The following COL5A1 variants were observed in gnomAD, a reference collection of about 807,000 sequenced individuals.
COL5A1 encodes the protein collagen alpha-1(V) chain.
In COL5A1, 16 loss-of-function variants were observed where a neutral mutation model predicts 263.7. That is an observed-to-expected ratio of 0.06 (90% CI 0.04 to 0.09). COL5A1 has a LOEUF of 0.09. Among genes scored for constraint, COL5A1 ranks in the 10% least tolerant of loss-of-function variants. The pLI, the probability that COL5A1 is intolerant of heterozygous loss-of-function variation, is 1.00. For missense variants in COL5A1, 2,036 were observed against 2,540.5 expected (o/e 0.80, Z 4.27); for synonymous variants, 1,012 against 1,004.5 (o/e 1.01, Z -0.14).
Position 134,754,442 on chromosome 9 carries a change from C to G in COL5A1, c.1827+116C>G, listed in dbSNP as rs1255944698. ...TGGGCCACATGAAGCCAGGTGGCTC[C>G]CCTTCTTGTGATGGGTGCGTCCATC... is the stretch of plus-strand genomic sequence containing the variant. On this transcript the variant is annotated intron_variant, in intron 16 of 65. Coordinates refer to ENST00000371817, the MANE Select transcript of COL5A1 (RefSeq NM_000093.5). The surrounding 1 kb of genome is among the most constrained non-coding windows in gnomAD (Gnocchi z 4.3). 9 of 1,222,516 alleles carry G rather than the reference C, an allele frequency of 7.4e-6. No homozygotes were observed. The East Asian group carries it at 2.1e-4, about 29-fold the overall frequency. The allele number at this position is 1,222,516 out of a possible 1,614,324, so 75.7% of individuals were successfully genotyped here.
At chr9:134,707,817 G>A (rs1157966333) in intron 4 of COL5A1, among the ~76,000 whole-genome samples, 3 of 152,234 alleles carry the variant, frequency 2.0e-5, no homozygotes, top group African/African-American at 4.8e-5. Flanking sequence ...TCTGGAGCCC[G>A]CAGCCCATCA....
At chr9:134,722,422 A>C (rs1484501097) in intron 4 of COL5A1, among the ~76,000 whole-genome samples, 1 of 152,196 alleles carries the variant, frequency 6.6e-6, no homozygotes, top group Non-Finnish European at 1.5e-5. Flanking sequence ...CACTGAGACC[A>C]GTGCCAGCAC....
chr9:134,826,819 T>C (rs1839295673), intron 63 of COL5A1, among the ~76,000 whole-genome samples: 1 of 150,212 alleles, frequency 6.7e-6, no homozygotes, highest in Non-Finnish European at 1.5e-5. Flanking sequence ...TGTGTGGGTG[T>C]GTGGCTGGTG....
At position 134,686,001 on chromosome 9, in the gene COL5A1, C is replaced by A. The variant is rs893517828; in HGVS notation, c.110-4911C>A. On this transcript the variant is annotated intron_variant, in intron 1 of 65. Transcript: ENST00000371817. This position sits in a 1 kb window ranked among gnomAD's most constrained non-coding sequence, Gnocchi z 4.6. Reference sequence around the variant, plus strand: ...TTAGCCATCCATCCACCCACCCATCCATCCATTCATCCATCCATCCATTCA... The same window carrying A: ...TTAGCCATCCATCCACCCACCCATCAATCCATTCATCCATCCATCCATTCA... Among the ~76,000 whole-genome samples, 1 of 152,126 alleles carries A rather than the reference C, an allele frequency of 6.6e-6. No homozygotes were observed. The highest frequency in any genetic ancestry group is 6.5e-5 in the Admixed American group (1 of 15,278).
rs114805267 is a variant in COL5A1, at chr9:134,772,178, G to A, written c.2287-612G>A. 4.5e-3 allele frequency among the ~76,000 whole-genome samples: 688 copies of A among 152,280 alleles called. 3 individuals carry two copies. Among genetic ancestry groups the A allele is most frequent in the African/African-American group, 0.016 (645 of 41,552 alleles). ...ACGAGGCAGCTGTTTGAAGACTCAC[G>A]GATGTGCTGGGACCCCTCAGTCAAG... is the stretch of plus-strand genomic sequence containing the variant. On this transcript the variant is annotated intron_variant, in intron 25 of 65. Transcript: ENST00000371817.
At position 134,682,673 on chromosome 9, in the gene COL5A1, C is replaced by T. The variant is rs548142806; in HGVS notation, c.110-8239C>T. 6.6e-6 allele frequency among the ~76,000 whole-genome samples: 1 copy of T among 152,276 alleles called. No homozygotes were observed. The highest frequency in any genetic ancestry group is 2.1e-4 in the South Asian group (1 of 4,822). On this transcript the variant is annotated intron_variant, in intron 1 of 65. Transcript: ENST00000371817. This position sits in a 1 kb window ranked among gnomAD's most constrained non-coding sequence, Gnocchi z 5.1. ...AAAGTAACAGTGGGCACTGCTCCGG[C>T]TCAGGGGGGCACCGGGACGGGGGAG...
Position 134,699,127 on chromosome 9 carries a change from C to A in COL5A1, c.278-782C>A, listed in dbSNP as rs572192102. Among the ~76,000 whole-genome samples, 13 of 152,258 alleles carry A rather than the reference C, an allele frequency of 8.5e-5. No homozygotes were observed. The South Asian group carries it at 2.1e-3, about 24-fold the overall frequency. On this transcript the variant is annotated intron_variant, in intron 2 of 65. Transcript: ENST00000371817. Reference sequence around the variant, plus strand: ...GCATCGCTGCCTTTGCCACCAGGATCGATGGACAGGAGGGGCTGGGGCTCC... The same window carrying A: ...GCATCGCTGCCTTTGCCACCAGGATAGATGGACAGGAGGGGCTGGGGCTCC...
At chr9:134,675,333 C>A (rs967886967) in intron 1 of COL5A1, among the ~76,000 whole-genome samples, 3 of 151,848 alleles carry the variant, frequency 2.0e-5, no homozygotes, top group Non-Finnish European at 4.4e-5. Context: ...GAATTTGCAT[C>A]CTTGCCAAAA....
chr9:134,793,153 G>A lies in COL5A1; in HGVS notation c.2701-1929G>A, dbSNP rs561670175. Among the ~76,000 whole-genome samples the A allele has an allele frequency of 7.2e-5, 11 of 152,106 alleles. No homozygotes were observed. The East Asian group carries it at 2.0e-3, about 27-fold the overall frequency. ...GCCCCTCGGGCCTCGGGCCAAGGAG[G>A]GATCCCAGGAGCCCCTTCCCGGGAA... On this transcript the variant is annotated intron_variant, in intron 32 of 65. Coordinates refer to ENST00000371817, the MANE Select transcript of COL5A1 (RefSeq NM_000093.5).
intron 57 of COL5A1, 88 bp downstream of exon 57, chr9:134,819,141 C>G: frequency 7.2e-7 from 1 of 1,387,736 alleles, no homozygotes; most frequent in Non-Finnish European, 1.0e-6. Context: ...GCTCTTGATC[C>G]GTCACCTAAA....
intron 1 of COL5A1, among the ~76,000 whole-genome samples, chr9:134,671,346 C>A (rs138802270): frequency 1.3e-5 from 2 of 152,172 alleles, no homozygotes; most frequent in Non-Finnish European, 2.9e-5. Flanking sequence ...TCCTTTGTTG[C>A]GTCTCTGGGA....
At chr9:134,781,418 G>A (rs1428892664) in intron 28 of COL5A1, among the ~76,000 whole-genome samples, 2 of 152,280 alleles carry the variant, frequency 1.3e-5, no homozygotes, top group African/African-American at 2.4e-5. Context: ...TTCGGAACAC[G>A]AGGGCCTTAC....
chr9:134,822,186 G>A (rs1402057046), intron 59 of COL5A1, 36 bp downstream of exon 59: 21 of 1,417,286 alleles, frequency 1.5e-5, no homozygotes, highest in Non-Finnish European at 2.1e-5. Context: ...ATTCCTGGGA[G>A]GGCAGGGAGG....
Position 134,696,630 on chromosome 9 carries a change from T to C in COL5A1, c.278-3279T>C, listed in dbSNP as rs975580631. Among the ~76,000 whole-genome samples, 1 of 152,234 alleles carries C rather than the reference T, an allele frequency of 6.6e-6. No homozygotes were observed. Among genetic ancestry groups the C allele is most frequent in the South Asian group, 2.1e-4 (1 of 4,832 alleles). ...TTATTAGGGGATCAGTCACTGTTTA[T>C]TGATCACGTGATCCACTGTAGTGAG... On this transcript the variant is annotated intron_variant, in intron 2 of 65. Coordinates refer to ENST00000371817, the MANE Select transcript of COL5A1 (RefSeq NM_000093.5). This position sits in a 1 kb window ranked among gnomAD's most constrained non-coding sequence, Gnocchi z 4.3.
rs1487625448 is a variant in COL5A1 at position 134,835,001 on chromosome 9, G to C, written c.5167G>C (p.Val1723Leu). The change falls in exon 65 of 66, where the codon GTG (valine) becomes CTG (leucine). Residue 1723 changes from valine to leucine, a missense_variant. Val to Leu is a conservative substitution (Grantham distance 32). Transcript: ENST00000371817. ...LSYVDAEGNP[V>L]GVVQMTFLRL... ...CTATGTGGACGCCGAGGGCAACCCT[G>C]TGGGTGTGGTACAGATGACCTTCCT... The C allele has an allele frequency of 6.8e-6, 11 of 1,613,644 alleles. No homozygotes were observed. Among genetic ancestry groups the C allele is most frequent in the Non-Finnish European group, 9.3e-6 (11 of 1,180,016 alleles).
At position 134,829,982 on chromosome 9, in the gene COL5A1, A is replaced by G. The variant is rs1839532850; in HGVS notation, c.5074A>G (p.Ile1692Val). The G allele has an allele frequency of 1.9e-6, 3 of 1,613,400 alleles. No individual in the cohort carries two copies. The African/African-American group carries it at 4.0e-5, about 22-fold the overall frequency. ...FPDKKSEGAR[I>V]TSWPKENPGS... The stretch of plus-strand genomic sequence containing the variant: ...CTCCCCGCTGCATGTTTAGGCCAGA[A>G]TCACTTCTTGGCCCAAAGAAAACCC... Residue 1692 changes from isoleucine to valine, a missense_variant, in exon 64 of 66, where the codon ATC becomes GTC. Around this residue, in one of 3 missense-constraint regions of COL5A1, gnomAD observed 358 missense variants for 384.6 expected, o/e 0.93. Coordinates refer to ENST00000371817, the MANE Select transcript of COL5A1 (RefSeq NM_000093.5).
At position 134,811,331 on chromosome 9, in the gene COL5A1, C is replaced by G; in HGVS notation, c.3529-8C>G. ...AAGCTACCTATGTCTCTGTCTTGTT[C>G]CCCGCAGGGTCCTCCTGGGCCTACA... On this transcript the variant is annotated splice_region_variant and splice_polypyrimidine_tract_variant and intron_variant, in intron 44 of 65. Transcript: ENST00000371817. 6.2e-7 allele frequency: 1 copy of G among 1,613,924 alleles called. No homozygotes were observed. Among genetic ancestry groups the G allele is most frequent in the South Asian group, 1.1e-5 (1 of 91,066 alleles).
chr9:134,843,450 C>T lies in COL5A1; in HGVS notation c.*1147C>T, dbSNP rs1032084987. On this transcript the variant is annotated 3_prime_UTR_variant, in exon 66 of 66. Coordinates refer to ENST00000371817, the MANE Select transcript of COL5A1 (RefSeq NM_000093.5). The stretch of plus-strand genomic sequence containing the variant: ...GGGACCCTGGCCATGCCTCGTTCTC[C>T]CTGCTTTCTTTATCCTGTTATTGCC... 1 of 152,704 alleles carries T rather than the reference C, an allele frequency of 6.5e-6. No individual in the cohort carries two copies. The highest frequency in any genetic ancestry group is 2.4e-5 in the African/African-American group (1 of 41,418). 9.5% of individuals were successfully genotyped at this position (152,704 alleles called of 1,614,324 possible).
In COL5A1 at chr9:134,696,170, A is replaced by AATTATTATT. The variant is rs555022941; in HGVS notation, c.278-3726_278-3718dup. 3.3e-5 allele frequency among the ~76,000 whole-genome samples: 5 copies of AATTATTATT among 151,228 alleles called. No homozygotes were observed. The highest frequency in any genetic ancestry group is 2.1e-4 in the South Asian group (1 of 4,746). On this transcript the variant is annotated intron_variant, in intron 2 of 65. Coordinates refer to ENST00000371817, the MANE Select transcript of COL5A1 (RefSeq NM_000093.5). This position sits in a 1 kb window ranked among gnomAD's most constrained non-coding sequence, Gnocchi z 4.3. ...CCCCACTGCCCCCTGCATTATTTGC[A>AATTATTATT]ATTATTATTATTATTATTATTGAGA...
Sources: allele counts gnomAD v4.1 joint callset (sites outside exome capture counted in the v4.1 genomes callset), GRCh38; gene constraint gnomAD v4.1.1; regional missense constraint gnomAD v4.1.1; non-coding constraint Gnocchi (gnomAD v3.1); transcripts MANE v1.5; gene names NCBI Gene and HGNC (gene_info 2026-07-23, HGNC 2026-07-21).